The following DGKZ variants were observed in gnomAD, a reference collection of about 807,000 sequenced individuals.
DGKZ encodes the protein diacylglycerol kinase zeta.
DGKZ carries 45 observed loss-of-function variants against 142.5 expected under a neutral mutation model. The observed-to-expected ratio is 0.32, with a 90% confidence interval of 0.25 to 0.40. The LOEUF is 0.40. Ranked by LOEUF, DGKZ falls within the 10% of genes least tolerant of loss-of-function variation. DGKZ has a pLI of 1.00. For missense variants in DGKZ, 755 were observed against 1,306.5 expected (o/e 0.58, Z 6.51); for synonymous variants, 442 against 527.0 (o/e 0.84, Z 2.21).
intron 25 of DGKZ, 85 bp downstream of exon 25, chr11:46,377,297 C>T (rs1944662004): frequency 1.9e-5 from 28 of 1,473,684 alleles, no homozygotes; most frequent in Middle Eastern, 3.6e-4. Flanking sequence ...GCTTCTAGCC[C>T]CTCCACCAGT....
At position 46,347,595 on chromosome 11, in the gene DGKZ, G is replaced by A. The variant is rs34980531; in HGVS notation, c.-65G>A. 1.0e-4 allele frequency: 118 copies of A among 1,163,966 alleles called. No homozygotes were observed. In the African/African-American group the frequency reaches 1.9e-3, roughly 18 times the overall value. The allele number at this position is 1,163,966 out of a possible 1,614,324, so 72.1% of individuals were successfully genotyped here. On this transcript the variant is annotated 5_prime_UTR_variant, in exon 1 of 31. Transcript: ENST00000527911. The surrounding 1 kb of genome is among the most constrained non-coding windows in gnomAD (Gnocchi z 6.4). ...GGGCGGCGCGGAGCGGGCGTGCTGA[G>A]CCCCGGCCGCCGGCCCGGCATGGGC...
chr11:46,370,582 CA>C (rs1372648253), intron 6 of DGKZ, among the ~76,000 whole-genome samples: 1 of 152,152 alleles, frequency 6.6e-6, no homozygotes, highest in Non-Finnish European at 1.5e-5. Flanking sequence ...TCGGAAGCGG[CA>C]GTAAATTTCT....
intron 1 of DGKZ, chr11:46,364,391 A>C: frequency 7.8e-7 from 1 of 1,289,092 alleles, no homozygotes; most frequent in Non-Finnish European, 1.0e-6. Context: ...CAGCCGTGAC[A>C]CTGGTGATTT....
intron 1 of DGKZ, among the ~76,000 whole-genome samples, chr11:46,352,191 C>T (rs937177068): frequency 6.6e-6 from 1 of 152,238 alleles, no homozygotes. Flanking sequence ...CGCGCGGGCC[C>T]CTCGGAGAAG....
exon 16 of DGKZ, chr11:46,374,433 G>A: frequency 6.2e-7 from 1 of 1,614,072 alleles, no homozygotes; most frequent in Non-Finnish European, 8.5e-7. Context: ...GCCGCTTTCG[G>A]AATAAGATGT....
intron 1 of DGKZ, among the ~76,000 whole-genome samples, chr11:46,360,507 G>C (rs1349244571): frequency 2.0e-5 from 3 of 149,690 alleles, no homozygotes; most frequent in African/African-American, 7.4e-5. Context: ...AAAAAAAAAG[G>C]CTGGGTGCGG....
intron 5 of DGKZ, 160 bp downstream of exon 5, chr11:46,369,710 C>A: frequency 9.7e-7 from 1 of 1,026,636 alleles, no homozygotes; most frequent in Non-Finnish European, 1.5e-6. Flanking sequence ...ACTAGCGCTG[C>A]CTGCGGAGTG....
At chr11:46,361,798 C>A in intron 1 of DGKZ, 1 of 498,886 alleles carries the variant, frequency 2.0e-6, no homozygotes, top group Non-Finnish European at 2.6e-6. Flanking sequence ...CCGGGCGGAC[C>A]CGGGCCCCAC....
At chr11:46,349,805 G>A (rs1206724249) in intron 1 of DGKZ, among the ~76,000 whole-genome samples, 1 of 152,200 alleles carries the variant, frequency 6.6e-6, no homozygotes, top group African/African-American at 2.4e-5. Flanking sequence ...AAGTTGGTGT[G>A]ATTCCAAAAT....
At chr11:46,366,475 G>T in intron 1 of DGKZ, 1 of 1,568,394 alleles carries the variant, frequency 6.4e-7, no homozygotes, top group Non-Finnish European at 8.6e-7. Context: ...CCAGCCGCCG[G>T]CGCTCCAGCA....
Position 46,374,746 on chromosome 11 carries a change from C to T in DGKZ, c.1525-20C>T, listed in dbSNP as rs546986367. 99 of 1,612,462 alleles carry T rather than the reference C, an allele frequency of 6.1e-5. No homozygotes were observed. The South Asian group carries it at 1.1e-3, about 17-fold the overall frequency. On this transcript the variant is annotated intron_variant, in intron 17 of 30. Transcript: ENST00000527911. Reference sequence around the variant, plus strand: ...GCCACCTGGCACATGCACCTCAACACCCTCCCCGCCCGCCTCCAGTGTGAT... The same window carrying T: ...GCCACCTGGCACATGCACCTCAACATCCTCCCCGCCCGCCTCCAGTGTGAT...
chr11:46,367,693 C>T lies in DGKZ; in HGVS notation c.312C>T (p.Asn104=), dbSNP rs767505171. Residue 104 remains asparagine (N), a synonymous_variant, in exon 3 of 31, where the codon AAC becomes AAT. Transcript: ENST00000527911. This position sits in a 1 kb window ranked among gnomAD's most constrained non-coding sequence, Gnocchi z 4.1. ...GGGAGCACATCTGGTTCGAGACCAA[C>T]GTGTCCGGGGACTTCTGCTACGTTG... is the stretch of plus-strand genomic sequence containing the variant. The T allele has an allele frequency of 1.2e-6, 2 of 1,610,520 alleles. No individual in the cohort carries two copies. Among genetic ancestry groups the T allele is most frequent in the East Asian group, 2.2e-5 (1 of 44,832 alleles).
chr11:46,364,056 A>G (rs1942987060), intron 1 of DGKZ, among the ~76,000 whole-genome samples: 1 of 152,216 alleles, frequency 6.6e-6, no homozygotes, highest in South Asian at 2.1e-4. Context: ...TACTTAGCCC[A>G]GGGCCTGTCA....
At chr11:46,344,987 G>A (rs1255760825), upstream of DGKZ, among the ~76,000 whole-genome samples, 1 of 152,152 alleles carries the variant, frequency 6.6e-6, no homozygotes, top group Non-Finnish European at 1.5e-5. Context: ...CTTCCTGTAT[G>A]CCCAGCCCTG....
chr11:46,376,012 CTTG>C (rs1590630438), intron 21 of DGKZ, 51 bp from the exon 22 acceptor site: 2 of 1,611,894 alleles, frequency 1.2e-6, no homozygotes, highest in East Asian at 4.5e-5. Context: ...CCGGGGCCCC[CTTG>C]GGCAGGGCTG....
intron 1 of DGKZ, among the ~76,000 whole-genome samples, chr11:46,353,726 A>C (rs1941680011): frequency 6.6e-6 from 1 of 152,004 alleles, no homozygotes; most frequent in Non-Finnish European, 1.5e-5. Context: ...GAGGTCTGAG[A>C]GGAGAGGGAG....
chr11:46,365,269 G>A (rs1590530320), intron 1 of DGKZ: 1 of 985,432 alleles, frequency 1.0e-6, no homozygotes, highest in Non-Finnish European at 1.2e-6. Flanking sequence ...CAGGGCCGCA[G>A]AAGAATGTGC....
chr11:46,369,782 TC>T, intron 5 of DGKZ, 158 bp from the exon 6 acceptor site: 2 of 911,112 alleles, frequency 2.2e-6, no homozygotes, highest in Non-Finnish European at 3.4e-6. Context: ...AGTCTGAGCC[TC>T]CCCCAGGCCA....
chr11:46,347,749 TC>T lies in DGKZ; in HGVS notation c.93del (p.Glu32SerfsTer87). 6.9e-7 allele frequency: 1 copy of T among 1,445,066 alleles called. No individual in the cohort carries two copies. Among genetic ancestry groups the T allele is most frequent in the Non-Finnish European group, 9.1e-7 (1 of 1,102,444 alleles). 89.5% of individuals were successfully genotyped at this position (1,445,066 alleles called of 1,614,324 possible). A position where few individuals can be genotyped will look rare whatever the true frequency, so the allele number is the denominator to read the frequency against. On this transcript the variant is annotated frameshift_variant, in exon 1 of 31. Transcript: ENST00000527911. LOFTEE classifies it high-confidence loss of function. The surrounding 1 kb of genome is among the most constrained non-coding windows in gnomAD (Gnocchi z 6.4). ...CCAGCGGCTCCGAGCGCGACGCCGG[TC>T]CCGAGCCGGACAAGGCGCCGCGGCG...
Sources: gnomAD v4.1 joint callset for allele counts (sites outside exome capture counted in the v4.1 genomes callset) on GRCh38, gnomAD v4.1.1 for gene constraint, Gnocchi (gnomAD v3.1) non-coding constraint, MANE v1.5 for transcripts, NCBI Gene and HGNC (gene_info 2026-07-23, HGNC 2026-07-21) for gene names.